The following HAAO variants were observed in gnomAD, a reference collection of about 807,000 sequenced individuals.
HAAO encodes the protein 3-hydroxyanthranilate oxygenase.
A neutral mutation model predicts 46.2 loss-of-function variants in HAAO; 49 were observed. That is an observed-to-expected ratio of 1.06 (90% CI 0.84 to 1.34). The LOEUF (loss-of-function observed/expected upper bound fraction) is 1.34. Among genes scored for constraint, HAAO ranks in the 40% most tolerant of loss-of-function variants. HAAO has a pLI of 0.00. For synonymous variants in HAAO, 157 were observed against 145.2 expected (o/e 1.08, Z -0.58); for missense variants, 408 against 364.5 (o/e 1.12, Z -0.97).
At position 42,770,201 on chromosome 2, in the gene HAAO, A is replaced by G; in HGVS notation, c.441-15T>C. ...AGCTGAAGAACCTGCAAGGACGAACAGGGAGGAGCAGGAGTGGCGAGCACT... is the reference window on the plus strand; with the variant it reads ...AGCTGAAGAACCTGCAAGGACGAACGGGGAGGAGCAGGAGTGGCGAGCACT... On this transcript the variant is annotated splice_polypyrimidine_tract_variant and intron_variant, in intron 5 of 9. Transcript: ENST00000294973. 6.3e-7 allele frequency: 1 copy of G among 1,590,416 alleles called. No individual in the cohort carries two copies. The highest frequency in any genetic ancestry group is 8.6e-7 in the Non-Finnish European group (1 of 1,166,736).
chr2:42,784,394 C>A (rs1320524172), intron 2 of HAAO, among the ~76,000 whole-genome samples: 1 of 151,968 alleles, frequency 6.6e-6, no homozygotes, highest in Non-Finnish European at 1.5e-5. Context: ...CCGTATGTGG[C>A]TCTGGAGCCA....
At chr2:42,772,884 C>T (rs1414792415) in intron 4 of HAAO, among the ~76,000 whole-genome samples, 1 of 148,300 alleles carries the variant, frequency 6.7e-6, no homozygotes, top group Non-Finnish European at 1.5e-5. Context: ...AAATAATGAT[C>T]ACGCCACTGC....
intron 7 of HAAO, among the ~76,000 whole-genome samples, chr2:42,769,415 G>C (rs1243510756): frequency 1.3e-5 from 2 of 152,222 alleles, no homozygotes; most frequent in African/African-American, 4.8e-5. Context: ...GAAGCTGCCA[G>C]TGAGTGGGGG....
In HAAO at chr2:42,770,546, C is replaced by A; in HGVS notation, c.387G>T (p.Glu129Asp). ...CGAGGTCCTTGCAGTAGAACCACTT[C>A]TCAAACAGAACGTCCATGGTGTCGC... ...YVGDTMDVLF[E>D]KWFYCKDLGT... The change falls in exon 5 of 10, where the codon GAG becomes GAT. Residue 129 changes from glutamate (E) to aspartate (D), a missense_variant. Coordinates refer to ENST00000294973, the MANE Select transcript of HAAO (RefSeq NM_012205.3). 1 of 1,553,350 alleles carries A rather than the reference C, an allele frequency of 6.4e-7. No individual in the cohort carries two copies. The highest frequency in any genetic ancestry group is 8.7e-7 in the Non-Finnish European group (1 of 1,147,840).
chr2:42,771,581 A>C (rs1671122148), intron 4 of HAAO, among the ~76,000 whole-genome samples: 1 of 152,168 alleles, frequency 6.6e-6, no homozygotes, highest in Admixed American at 6.5e-5. Context: ...GCCCATGTAC[A>C]TGTACATATA....
chr2:42,776,450 C>G (rs1223770369), intron 4 of HAAO, among the ~76,000 whole-genome samples: 1 of 151,782 alleles, frequency 6.6e-6, no homozygotes, highest in Non-Finnish European at 1.5e-5. Flanking sequence ...GTTGGTCACG[C>G]TGGTCTCAAA....
At chr2:42,783,518 A>G in intron 3 of HAAO, 98 bp from the exon 4 acceptor site, 2 of 780,238 alleles carry the variant, frequency 2.6e-6, no homozygotes, top group Non-Finnish European at 4.3e-6. Context: ...ACCCCCGGGC[A>G]GCAAAGGGGT....
chr2:42,770,393 C>T, intron 5 of HAAO, 100 bp downstream of exon 5: 1 of 1,018,518 alleles, frequency 9.8e-7, no homozygotes, highest in East Asian at 2.6e-5. Flanking sequence ...CTCTCTGGGC[C>T]AGGATCTCCA....
chr2:42,783,517 C>A, intron 3 of HAAO, 97 bp from the exon 4 acceptor site: 1 of 792,496 alleles, frequency 1.3e-6, no homozygotes. Context: ...GACCCCCGGG[C>A]AGCAAAGGGG....
rs1188726440 is a variant in HAAO at position 42,769,794 on chromosome 2, C to A, written c.549G>T (p.Leu183=). ...STRSIMEPMS[L]DAWLDSHHRE... The stretch of plus-strand genomic sequence containing the variant: ...TGTGGTGGCTGTCCAGCCAGGCATC[C>A]AGGGACATGGGCTCCATGATGGATC... The change falls in exon 7 of 10, where the codon CTG becomes CTT. Residue 183 remains leucine (L), a synonymous_variant. Transcript: ENST00000294973. 1 of 1,613,866 alleles carries A rather than the reference C, an allele frequency of 6.2e-7. No individual in the cohort carries two copies. Among genetic ancestry groups the A allele is most frequent in the Non-Finnish European group, 8.5e-7 (1 of 1,179,980 alleles).
intron 1 of HAAO, among the ~76,000 whole-genome samples, chr2:42,789,957 G>C (rs1188320327): frequency 6.6e-6 from 1 of 152,214 alleles, no homozygotes. Flanking sequence ...GCAGGGGCAA[G>C]GGCTTTCCTC....
intron 4 of HAAO, among the ~76,000 whole-genome samples, chr2:42,775,529 G>T (rs1379708397): frequency 6.6e-6 from 1 of 150,676 alleles, no homozygotes; most frequent in African/African-American, 2.4e-5. Context: ...ACATCCAAGG[G>T]GTGTGTGTGT....
At chr2:42,775,861 C>CTTTT (rs56249729) in intron 4 of HAAO, among the ~76,000 whole-genome samples, 106 of 121,414 alleles carry the variant, frequency 8.7e-4, no homozygotes, top group African/African-American at 2.9e-3. Flanking sequence ...TTGTGTTATC[C>CTTTT]TTTTTTTTTT....
intron 4 of HAAO, among the ~76,000 whole-genome samples, chr2:42,777,605 G>C (rs1204629657): frequency 6.6e-6 from 1 of 152,056 alleles, no homozygotes; most frequent in South Asian, 2.1e-4. Flanking sequence ...ATTTTGCAAT[G>C]GTGGTTCCAT....
At chr2:42,780,882 A>G (rs1243187954) in intron 4 of HAAO, among the ~76,000 whole-genome samples, 1 of 144,980 alleles carries the variant, frequency 6.9e-6, no homozygotes, top group Non-Finnish European at 1.5e-5. Flanking sequence ...CCTGGCTAAC[A>G]TGGTGAAACC....
intron 1 of HAAO, among the ~76,000 whole-genome samples, chr2:42,789,620 G>A (rs1219800455): frequency 6.6e-6 from 1 of 151,998 alleles, no homozygotes. Flanking sequence ...TTTTACAGCC[G>A]ATTTAGCCAG....
intron 8 of HAAO, 91 bp from the exon 9 acceptor site, chr2:42,767,768 A>G: frequency 6.5e-7 from 1 of 1,541,768 alleles, no homozygotes; most frequent in Non-Finnish European, 9.0e-7. Flanking sequence ...CAAGGCCCCA[A>G]GAGTGGGCCC....
chr2:42,780,911 C>CAAA lies in HAAO; in HGVS notation c.350+2400_350+2402dup, dbSNP rs35424652. ...TGAAACCCTGTCTCTACTAAAAATA[C>CAAA]AAAAAAAAAAAAAAAATTTGCTGGG... On this transcript the variant is annotated intron_variant, in intron 4 of 9. Coordinates refer to ENST00000294973, the MANE Select transcript of HAAO (RefSeq NM_012205.3). Among the ~76,000 whole-genome samples, 35 of 130,320 alleles carry CAAA rather than the reference C, an allele frequency of 2.7e-4. 2 individuals carry two copies. Among genetic ancestry groups the CAAA allele is most frequent in the South Asian group, 5.1e-4 (2 of 3,920 alleles). 85.5% of individuals were successfully genotyped at this position (130,320 alleles called of 152,430 possible). A position where few individuals can be genotyped will look rare whatever the true frequency, so the allele number is the denominator to read the frequency against.
At chr2:42,770,625 G>T in intron 4 of HAAO, 43 bp from the exon 5 acceptor site, 2 of 1,371,588 alleles carry the variant, frequency 1.5e-6, no homozygotes, top group Admixed American at 2.1e-5. Flanking sequence ...CCCCATCTGG[G>T]TGGCTTCAGG....
Sources: gnomAD v4.1 joint callset for allele counts (sites outside exome capture counted in the v4.1 genomes callset) on GRCh38, gnomAD v4.1.1 for gene constraint, MANE v1.5 for transcripts, NCBI Gene and HGNC (gene_info 2026-07-23, HGNC 2026-07-21) for gene names.